PSTPIP2: variants seen among roughly 807,000 people sequenced by gnomAD.
PSTPIP2 encodes proline-serine-threonine phosphatase interacting protein 2.
Under a neutral mutation model 63.3 loss-of-function variants are expected in PSTPIP2, and 33 were observed. That is an observed-to-expected ratio of 0.52 (90% CI 0.40 to 0.70). The LOEUF (loss-of-function observed/expected upper bound fraction) is 0.70, where lower values mean the gene tolerates loss of function less well. Among genes scored for constraint, PSTPIP2 ranks in the 30% least tolerant of loss-of-function variants. The pLI is 0.00. For synonymous variants in PSTPIP2, 125 were observed against 132.7 expected, an observed-to-expected ratio of 0.94 and a Z score of 0.40; for missense variants, 312 against 400.7, an observed-to-expected ratio of 0.78 and a Z score of 1.89.
At chr18:46,054,061 G>A (rs987457343) in intron 1 of PSTPIP2, among the ~76,000 whole-genome samples, 19 of 152,152 alleles carry the variant, frequency 1.2e-4, no homozygotes, top group African/African-American at 4.6e-4. Context: ...CTACAAACCT[G>A]TACGGCATGT....
At chr18:46,005,989 G>A (rs1236081932) in intron 5 of PSTPIP2, among the ~76,000 whole-genome samples, 4 of 152,094 alleles carry the variant, frequency 2.6e-5, no homozygotes, top group African/African-American at 9.7e-5. Flanking sequence ...CAGGGTGCCC[G>A]GGCAGTATGA....
At position 46,067,109 on chromosome 18, in the gene PSTPIP2, A is replaced by G. The variant is rs1455560288; in HGVS notation, c.33+5047T>C. On this transcript the variant is annotated intron_variant, in intron 1 of 14. Coordinates refer to ENST00000409746, the MANE Select transcript of PSTPIP2 (RefSeq NM_024430.4). ...CTGCTCTACAAAGAATGTATGGGAG[A>G]GCAGGTAATTGTTCATGACTCTATC... Among the ~76,000 whole-genome samples, 3 of 151,914 alleles carry G rather than the reference A, an allele frequency of 2.0e-5. No homozygotes were observed. In the East Asian group the frequency reaches 5.8e-4, roughly 29 times the overall value.
chr18:45,993,236 A>C (rs1048569647), intron 10 of PSTPIP2, among the ~76,000 whole-genome samples: 8 of 151,622 alleles, frequency 5.3e-5, no homozygotes, highest in Non-Finnish European at 5.9e-5. Flanking sequence ...CTGGGATTAC[A>C]GGGGTGCACC....
intron 1 of PSTPIP2, among the ~76,000 whole-genome samples, chr18:46,055,043 T>G (rs968971497): frequency 1.3e-5 from 2 of 152,324 alleles, no homozygotes; most frequent in South Asian, 4.1e-4. Context: ...TGTCAACTGA[T>G]TTTCAGCAAT....
At chr18:45,994,514 C>A (rs2051572649) in intron 9 of PSTPIP2, among the ~76,000 whole-genome samples, 2 of 152,150 alleles carry the variant, frequency 1.3e-5, no homozygotes, top group South Asian at 4.1e-4. Context: ...GAGCTCTACC[C>A]CCACAGTTTC....
intron 6 of PSTPIP2, among the ~76,000 whole-genome samples, chr18:46,001,553 G>T (rs1047492353): frequency 2.5e-4 from 38 of 152,034 alleles, no homozygotes; most frequent in Admixed American, 2.4e-3. Flanking sequence ...ACCACTGTAA[G>T]TGTTCAATTC....
At chr18:46,068,236 T>A (rs1340566153) in intron 1 of PSTPIP2, among the ~76,000 whole-genome samples, 1 of 152,240 alleles carries the variant, frequency 6.6e-6, no homozygotes, top group Non-Finnish European at 1.5e-5. Flanking sequence ...CAGGAAGATG[T>A]GTGTAGGTTA....
chr18:46,024,375 C>A (rs765997909), intron 3 of PSTPIP2, among the ~76,000 whole-genome samples: 2 of 152,010 alleles, frequency 1.3e-5, no homozygotes, highest in African/African-American at 4.8e-5. Flanking sequence ...TGGGCCCAAG[C>A]GATCCACCTG....
Position 46,028,806 on chromosome 18 carries a change from T to TG in PSTPIP2, c.135-4121_135-4120insC. ...GAGTACCTGCCTGGGCAGAGACTAA[T>TG]AAGCTGAAAACAACTTCAGATGATG... On this transcript the variant is annotated intron_variant, in intron 2 of 14. Coordinates refer to ENST00000409746, the MANE Select transcript of PSTPIP2 (RefSeq NM_024430.4). 3 of 1,440,244 alleles carry TG rather than the reference T, an allele frequency of 2.1e-6. No homozygotes were observed. The South Asian group carries it at 3.4e-5, about 16-fold the overall frequency. The allele number at this position is 1,440,244 out of a possible 1,614,324, so 89.2% of individuals were successfully genotyped here. A position where few individuals can be genotyped will look rare whatever the true frequency, so the allele number is the denominator to read the frequency against.
Position 46,037,058 on chromosome 18 carries a change from T to C in PSTPIP2, c.134+2889A>G, listed in dbSNP as rs113670001. 4.7e-3 allele frequency among the ~76,000 whole-genome samples: 715 copies of C among 152,338 alleles called. 11 individuals are homozygous for C. The highest frequency in any genetic ancestry group is 0.029 in the Admixed American group (450 of 15,296). On this transcript the variant is annotated intron_variant, in intron 2 of 14. Transcript: ENST00000409746. ...CAAAAATAATTATTACATACAATAG[T>C]CTGTTATCTTTGCCCCTGTATTTGT...
At chr18:46,003,701 T>TCAA (rs2051694188) in intron 6 of PSTPIP2, among the ~76,000 whole-genome samples, 1 of 151,860 alleles carries the variant, frequency 6.6e-6, no homozygotes, top group African/African-American at 2.4e-5. Context: ...GTCAGGTTGT[T>TCAA]CTTTGAGTCC....
intron 1 of PSTPIP2, among the ~76,000 whole-genome samples, chr18:46,051,372 G>A (rs563521667): frequency 6.6e-6 from 1 of 152,236 alleles, no homozygotes; most frequent in South Asian, 2.1e-4. Flanking sequence ...CTACATGGGA[G>A]GCTGAGGTGG....
intron 1 of PSTPIP2, among the ~76,000 whole-genome samples, chr18:46,058,240 AC>A (rs918437884): frequency 3.3e-5 from 5 of 151,980 alleles, no homozygotes; most frequent in African/African-American, 7.2e-5. Context: ...TGAGTAATTT[AC>A]CCCTGGAGGT....
chr18:45,995,483 A>G (rs1432535652), intron 9 of PSTPIP2, among the ~76,000 whole-genome samples: 1 of 152,248 alleles, frequency 6.6e-6, no homozygotes, highest in East Asian at 1.9e-4. Context: ...TTATTAAAAA[A>G]TGGCCTCATT....
At chr18:46,030,083 C>T (rs1268423214) in intron 2 of PSTPIP2, among the ~76,000 whole-genome samples, 5 of 151,768 alleles carry the variant, frequency 3.3e-5, no homozygotes, top group Admixed American at 2.0e-4. Context: ...CATTGCACTC[C>T]AGCCTCCGTG....
At position 46,015,905 on chromosome 18, in the gene PSTPIP2, T is replaced by C. The variant is rs2051848314; in HGVS notation, c.245A>G (p.Gln82Arg). The change falls in exon 4 of 15, where the codon CAG (glutamine) becomes CGG (arginine). Residue 82 changes from glutamine to arginine, a missense_variant and splice_region_variant. Gln to Arg is a conservative substitution (Grantham distance 43, BLOSUM62 1). Coordinates refer to ENST00000409746, the MANE Select transcript of PSTPIP2 (RefSeq NM_024430.4). ...TTTTTAAAAAAAAAATCACTTACGC[T>C]GCTTGAAGACTTCAAGGGCCCGCTT... The part of the protein sequence containing the change: ...TLKRALEVFK[Q>R]QVDNVAQCHI... The C allele has an allele frequency of 6.2e-7, 1 of 1,611,840 alleles. No individual in the cohort carries two copies. Among genetic ancestry groups the C allele is most frequent in the South Asian group, 1.1e-5 (1 of 90,758 alleles).
At chr18:46,059,051 T>G (rs1599748089) in intron 1 of PSTPIP2, among the ~76,000 whole-genome samples, 1 of 151,782 alleles carries the variant, frequency 6.6e-6, no homozygotes, top group East Asian at 2.0e-4. Flanking sequence ...TCTTTTTTTT[T>G]TGTGAGATAG....
intron 4 of PSTPIP2, among the ~76,000 whole-genome samples, chr18:46,013,685 T>G (rs1177317220): frequency 6.6e-6 from 1 of 152,130 alleles, no homozygotes; most frequent in Non-Finnish European, 1.5e-5. Context: ...CTGAGGGCAC[T>G]ATGACTTATG....
chr18:46,063,614 TACACACAC>T (rs34948592), intron 1 of PSTPIP2, among the ~76,000 whole-genome samples: 8 of 148,588 alleles, frequency 5.4e-5, no homozygotes, highest in Admixed American at 2.0e-4. Flanking sequence ...ACATGTGAAT[TACACACAC>T]ACACACACAC....
Sources: allele counts gnomAD v4.1 joint callset (sites outside exome capture counted in the v4.1 genomes callset), GRCh38; gene constraint gnomAD v4.1.1; transcripts MANE v1.5; gene names NCBI Gene and HGNC (gene_info 2026-07-23, HGNC 2026-07-21).